The following MITF variants were observed in gnomAD, a reference collection of about 807,000 sequenced individuals.
MITF encodes the protein melanocyte inducing transcription factor.
MITF carries 17 observed loss-of-function variants against 60.5 expected under a neutral mutation model. The ratio of observed to expected loss-of-function variants is 0.28; its 90% CI spans 0.19 to 0.42. The LOEUF is 0.42. Ranked by LOEUF, MITF falls within the 10% of genes least tolerant of loss-of-function variation. MITF has a pLI of 1.00. For synonymous variants in MITF, 260 were observed against 248.5 expected (o/e 1.05, Z -0.43); for missense variants, 622 against 683.5 (o/e 0.91, Z 1.00).
chr3:69,858,196 T>C (rs2063952897), intron 1 of MITF, among the ~76,000 whole-genome samples: 1 of 152,186 alleles, frequency 6.6e-6, no homozygotes, highest in African/African-American at 2.4e-5. Flanking sequence ...TAATATACAC[T>C]TTGATTATAG....
At chr3:69,813,472 T>A (rs1393741147) in intron 1 of MITF, among the ~76,000 whole-genome samples, 1 of 152,222 alleles carries the variant, frequency 6.6e-6, no homozygotes, top group East Asian at 1.9e-4. Flanking sequence ...TGGTAGAGTT[T>A]ACTGCTGGAA....
At chr3:69,747,766 C>T (rs182711313) in intron 1 of MITF, among the ~76,000 whole-genome samples, 3 of 152,284 alleles carry the variant, frequency 2.0e-5, no homozygotes, top group African/African-American at 7.2e-5. Context: ...GTTTTGTTAT[C>T]CTTTCTTTCC....
intron 6 of MITF, among the ~76,000 whole-genome samples, chr3:69,951,037 A>G (rs1271661437): frequency 1.3e-5 from 2 of 148,806 alleles, no homozygotes; most frequent in African/African-American, 4.9e-5. Context: ...TGAAAAAATG[A>G]GTTCATTCTA....
At chr3:69,939,814 C>T (rs974918121) in intron 4 of MITF, among the ~76,000 whole-genome samples, 4 of 152,136 alleles carry the variant, frequency 2.6e-5, no homozygotes, top group African/African-American at 9.6e-5. Context: ...TTTAAAAATG[C>T]TATTACATCA....
chr3:69,937,761 G>C (rs1452173971), intron 2 of MITF, 61 bp from the exon 3 acceptor site: 1 of 1,405,376 alleles, frequency 7.1e-7, no homozygotes, highest in Admixed American at 1.8e-5. Context: ...CCTGAAGGAA[G>C]AGCCGTCTGA....
intron 1 of MITF, among the ~76,000 whole-genome samples, chr3:69,850,637 T>C (rs552138682): frequency 1.3e-5 from 2 of 152,290 alleles, no homozygotes; most frequent in African/African-American, 4.8e-5. Flanking sequence ...TTAGAACCGA[T>C]GTGCTGTCAT....
At chr3:69,835,603 C>T (rs1377140614) in intron 1 of MITF, among the ~76,000 whole-genome samples, 1 of 152,066 alleles carries the variant, frequency 6.6e-6, no homozygotes, top group East Asian at 1.9e-4. Context: ...AGAGTCATAG[C>T]TTTAGGCTTT....
Position 69,938,025 on chromosome 3 carries a change from G to T in MITF, c.558G>T (p.Thr186=), listed in dbSNP as rs1460798970. The T allele has an allele frequency of 2.5e-6, 4 of 1,614,008 alleles. No homozygotes were observed. The African/African-American group carries it at 4.0e-5, about 16-fold the overall frequency. The change falls in exon 3 of 10, where the codon ACG becomes ACT. Residue 186 remains threonine (T), a synonymous_variant. Transcript: ENST00000352241. The part of the protein sequence containing the change: ...SAPNSPMAML[T]LNSNCEKEGF... ...CCAACAGCCCCATGGCTATGCTTAC[G>T]CTTAACTCCAACTGTGAAAAAGAGG...
intron 1 of MITF, among the ~76,000 whole-genome samples, chr3:69,807,026 C>T (rs1024759826): frequency 6.6e-6 from 1 of 152,164 alleles, no homozygotes; most frequent in Non-Finnish European, 1.5e-5. Flanking sequence ...ATCTTGGCTG[C>T]GTAGATTGTT....
chr3:69,922,030 G>A (rs747320629), intron 2 of MITF, among the ~76,000 whole-genome samples: 40 of 152,266 alleles, frequency 2.6e-4, no homozygotes, highest in African/African-American at 9.4e-4. Context: ...TGCCTGTACA[G>A]TTGAGAGCTC....
At chr3:69,803,888 A>T (rs1398806284) in intron 1 of MITF, among the ~76,000 whole-genome samples, 1 of 151,356 alleles carries the variant, frequency 6.6e-6, no homozygotes, top group African/African-American at 2.4e-5. Flanking sequence ...AGTTTCCTTG[A>T]TGTTGGGAAG....
intron 1 of MITF, among the ~76,000 whole-genome samples, chr3:69,767,072 G>T (rs993827210): frequency 4.6e-5 from 7 of 152,098 alleles, no homozygotes. Flanking sequence ...TAATGAATGG[G>T]TCTAGACAGT....
rs1230950459 is a variant in MITF at position 69,965,871 on chromosome 3, C to T, written c.*623C>T. ...GTCTGGTTAGAAAACATAACTGATACCAACCGAAACTGAAGGGAGTTAGAC... is the reference window on the plus strand; with the variant it reads ...GTCTGGTTAGAAAACATAACTGATATCAACCGAAACTGAAGGGAGTTAGAC... On this transcript the variant is annotated 3_prime_UTR_variant, in exon 10 of 10. Transcript: ENST00000352241. 4.3e-6 allele frequency: 1 copy of T among 230,256 alleles called. No homozygotes were observed. Among genetic ancestry groups the T allele is most frequent in the East Asian group, 6.2e-5 (1 of 16,120 alleles). The allele number at this position is 230,256 out of a possible 1,614,324, so 14.3% of individuals were successfully genotyped here. A position where few individuals can be genotyped will look rare whatever the true frequency, so the allele number is the denominator to read the frequency against.
Position 69,939,196 on chromosome 3 carries a change from G to C in MITF, c.666+15G>C, listed in dbSNP as rs201698367. On this transcript the variant is annotated intron_variant, in intron 4 of 9. Transcript: ENST00000352241. Reference sequence around the variant, plus strand: ...CCTGTATGCAGGTACTGAATGACTTGGCAGCCTGAGGATGAACACTTTGTA... The same window carrying C: ...CCTGTATGCAGGTACTGAATGACTTCGCAGCCTGAGGATGAACACTTTGTA... 1.4e-4 allele frequency: 219 copies of C among 1,609,112 alleles called. No individual in the cohort carries two copies. Among genetic ancestry groups the C allele is most frequent in the South Asian group, 7.4e-4 (67 of 90,864 alleles).
chr3:69,917,071 T>G (rs753328857), intron 2 of MITF, among the ~76,000 whole-genome samples: 5 of 152,178 alleles, frequency 3.3e-5, no homozygotes, highest in Non-Finnish European at 2.9e-5. Context: ...GGCAGCATAT[T>G]AAGTAACAGG....
At chr3:69,775,648 C>T (rs987668330) in intron 1 of MITF, among the ~76,000 whole-genome samples, 5 of 152,208 alleles carry the variant, frequency 3.3e-5, no homozygotes, top group East Asian at 3.9e-4. Flanking sequence ...CCATTTGGAT[C>T]CCCCATTCTT....
rs1575653885 is a variant in MITF at position 69,743,245 on chromosome 3, C to A, written c.104+3544C>A. 2.0e-5 allele frequency among the ~76,000 whole-genome samples: 3 copies of A among 152,172 alleles called. No individual in the cohort carries two copies. In the East Asian group the frequency reaches 5.8e-4, roughly 29 times the overall value. ...ACATTGTCAGACATCCCGTGGTAGG[C>A]AAAGTACCCTCATTTCAGAACCACT... On this transcript the variant is annotated intron_variant, in intron 1 of 9. Transcript: ENST00000352241.
At position 69,953,130 on chromosome 3, in the gene MITF, T is replaced by G. The variant is rs551835211; in HGVS notation, c.955+1244T>G. 2.0e-5 allele frequency among the ~76,000 whole-genome samples: 3 copies of G among 152,296 alleles called. No homozygotes were observed. In the South Asian group the frequency reaches 6.2e-4, roughly 32 times the overall value. On this transcript the variant is annotated intron_variant, in intron 7 of 9. Coordinates refer to ENST00000352241, the MANE Select transcript of MITF (RefSeq NM_001354604.2). ...ACCCCTCCCCAGTTCTCATGTCAAG[T>G]GTAAGAAGCTCTCCTTATCTTTTAA... is the stretch of plus-strand genomic sequence containing the variant.
At chr3:69,920,457 G>A (rs1201525844) in intron 2 of MITF, among the ~76,000 whole-genome samples, 1 of 152,044 alleles carries the variant, frequency 6.6e-6, no homozygotes, top group African/African-American at 2.4e-5. Flanking sequence ...CTCCTAGTCC[G>A]CCTTCATGTT....
Sources: allele counts gnomAD v4.1 joint callset (sites outside exome capture counted in the v4.1 genomes callset), GRCh38; gene constraint gnomAD v4.1.1; transcripts MANE v1.5; gene names NCBI Gene and HGNC (gene_info 2026-07-23, HGNC 2026-07-21).